Variants in SLC7A8 observed in about 807,000 individuals in gnomAD.
SLC7A8 encodes large neutral amino acids transporter small subunit 2.
Under a neutral mutation model 51.2 loss-of-function variants are expected in SLC7A8, and 30 were observed. The ratio of observed to expected loss-of-function variants is 0.59; its 90% CI spans 0.44 to 0.80. SLC7A8 has a LOEUF of 0.80. SLC7A8 is among the 30% of genes least tolerant of loss of function. The pLI is 0.00. For synonymous variants in SLC7A8, 257 were observed against 275.8 expected (o/e 0.93, Z 0.67); for missense variants, 612 against 674.4 (o/e 0.91, Z 1.03).
chr14:23,170,049 T>G (rs2048968458), intron 1 of SLC7A8, among the ~76,000 whole-genome samples: 1 of 152,234 alleles, frequency 6.6e-6, no homozygotes, highest in South Asian at 2.1e-4. Context: ...CAGTACCACC[T>G]TCAGTGGGGA....
At chr14:23,134,896 T>C (rs775764909) in intron 7 of SLC7A8, among the ~76,000 whole-genome samples, 2 of 152,218 alleles carry the variant, frequency 1.3e-5, no homozygotes, top group African/African-American at 4.8e-5. Flanking sequence ...AACTAGGATA[T>C]TGATGTTTAA....
In SLC7A8 at chr14:23,128,388, C is replaced by T. The variant is rs953149363; in HGVS notation, c.1264-192G>A. 6.6e-6 allele frequency: 10 copies of T among 1,524,182 alleles called. No homozygotes were observed. Among genetic ancestry groups the T allele is most frequent in the Non-Finnish European group, 8.8e-6 (10 of 1,138,508 alleles). 94.4% of individuals were successfully genotyped at this position (1,524,182 alleles called of 1,614,324 possible). A position where few individuals can be genotyped will look rare whatever the true frequency, so the allele number is the denominator to read the frequency against. ...GGCTATATAAACAAATGTTGATGAA[C>T]ATGGTCGGTCAGACAGGAAGAGGAT... On this transcript the variant is annotated intron_variant, in intron 9 of 10. Transcript: ENST00000316902. This position sits in a 1 kb window ranked among gnomAD's most constrained non-coding sequence, Gnocchi z 4.3.
chr14:23,179,962 G>T (rs1352956462), intron 1 of SLC7A8, among the ~76,000 whole-genome samples: 2 of 146,512 alleles, frequency 1.4e-5, no homozygotes, highest in African/African-American at 5.1e-5. Flanking sequence ...CTGGAGTGCA[G>T]TGGCGCAACC....
intron 3 of SLC7A8, chr14:23,155,074 A>C (rs2048881607): frequency 5.3e-6 from 6 of 1,133,012 alleles, no homozygotes; most frequent in African/African-American, 1.6e-5. Flanking sequence ...TATAAAGTGC[A>C]CAGTGGGGAG....
chr14:23,163,833 C>T (rs1439702434), intron 3 of SLC7A8, among the ~76,000 whole-genome samples: 1 of 152,190 alleles, frequency 6.6e-6, no homozygotes, highest in Non-Finnish European at 1.5e-5. Context: ...TGACTAATAT[C>T]AGAGATAAAG....
chr14:23,143,017 G>A, intron 4 of SLC7A8, 62 bp downstream of exon 4: 1 of 1,588,622 alleles, frequency 6.3e-7, no homozygotes, highest in South Asian at 1.1e-5. Flanking sequence ...GCTGGGCTGA[G>A]AGGGTGTGTA....
chr14:23,129,555 T>C (rs2048611930), intron 9 of SLC7A8, 95 bp downstream of exon 9: 1 of 1,403,506 alleles, frequency 7.1e-7, no homozygotes, highest in African/African-American at 1.4e-5. Context: ...TGATGACGTG[T>C]GGTCAGCAGC....
chr14:23,151,257 T>C (rs535450719), intron 3 of SLC7A8, among the ~76,000 whole-genome samples: 11 of 152,294 alleles, frequency 7.2e-5, no homozygotes, highest in Admixed American at 5.2e-4. Context: ...TAAAGCTTAC[T>C]GAATGGAAAC....
At chr14:23,130,023 C>T (rs1594815284) in intron 8 of SLC7A8, 1 of 531,856 alleles carries the variant, frequency 1.9e-6, no homozygotes. Context: ...TATTTAACCA[C>T]TCGTATGGCA....
chr14:23,157,333 T>C (rs1302678490), intron 3 of SLC7A8, among the ~76,000 whole-genome samples: 1 of 152,224 alleles, frequency 6.6e-6, no homozygotes, highest in Non-Finnish European at 1.5e-5. Context: ...GATAGTCATC[T>C]GCAATCTGAA....
At chr14:23,181,107 G>A (rs528095991) in intron 1 of SLC7A8, among the ~76,000 whole-genome samples, 1 of 152,326 alleles carries the variant, frequency 6.6e-6, no homozygotes, top group Admixed American at 6.5e-5. Flanking sequence ...TTGTGCTTGT[G>A]TGCCTGTGGG....
chr14:23,149,220 T>C (rs1158030737), intron 3 of SLC7A8, among the ~76,000 whole-genome samples: 1 of 152,236 alleles, frequency 6.6e-6, no homozygotes. Flanking sequence ...TTCCTCCATT[T>C]GGTAATTCAA....
intron 1 of SLC7A8, among the ~76,000 whole-genome samples, chr14:23,167,578 G>T (rs1053526483): frequency 5.3e-5 from 8 of 152,064 alleles, no homozygotes; most frequent in Admixed American, 2.0e-4. Context: ...CGCAGACGAG[G>T]AGTAAGAGTG....
At chr14:23,162,331 G>A (rs957612758) in intron 3 of SLC7A8, among the ~76,000 whole-genome samples, 3 of 152,178 alleles carry the variant, frequency 2.0e-5, no homozygotes, top group African/African-American at 4.8e-5. Flanking sequence ...GGAAGACTAC[G>A]CTTGGGAATA....
intron 1 of SLC7A8, among the ~76,000 whole-genome samples, chr14:23,180,595 G>C (rs970284142): frequency 9.2e-5 from 14 of 152,152 alleles, no homozygotes; most frequent in African/African-American, 3.4e-4. Flanking sequence ...TGCCATTCTA[G>C]TTACTGTAAT....
rs982630333 is a variant in SLC7A8, at chr14:23,151,558, G to T, written c.509-8354C>A. The stretch of plus-strand genomic sequence containing the variant: ...GATCAATTGAGGCCAGAAGTTCGAG[G>T]CCAGCCTGGGCAACACAGCAAGATC... On this transcript the variant is annotated intron_variant, in intron 3 of 10. Coordinates refer to ENST00000316902, the MANE Select transcript of SLC7A8 (RefSeq NM_012244.4). Among the ~76,000 whole-genome samples the T allele has an allele frequency of 4.6e-5, 7 of 151,832 alleles. No individual in the cohort carries two copies. In the South Asian group the frequency reaches 1.2e-3, roughly 27 times the overall value.
In SLC7A8 at chr14:23,157,818, A is replaced by T. The variant is rs115850330; in HGVS notation, c.508+7467T>A. ...CCAGTCCCATCCTCACTTTTCTTGC[A>T]GGAGCTGCCTGGATGCTGGCCTCCT... On this transcript the variant is annotated intron_variant, in intron 3 of 10. Transcript: ENST00000316902. Among the ~76,000 whole-genome samples, 788 of 152,262 alleles carry T rather than the reference A, an allele frequency of 5.2e-3. 1 individual carries two copies. Among genetic ancestry groups the T allele is most frequent in the African/African-American group, 0.018 (750 of 41,542 alleles).
At chr14:23,140,362 A>G (rs890934128) in intron 5 of SLC7A8, 109 bp downstream of exon 5, 4 of 1,183,224 alleles carry the variant, frequency 3.4e-6, no homozygotes, top group Non-Finnish European at 3.6e-6. Context: ...TCACAGTTAG[A>G]ATGGGGCTTT....
rs1444444291 is a variant in SLC7A8 at position 23,127,327 on chromosome 14, C to T, written c.1458G>A (p.Val486=). ...FSDFIELLTL[V]SQKMCVVVYP... ...ACACGACCACACACATCTTCTGGCT[C>T]ACCAGGGTTAGCAGCTCTGTAGGAA... The change falls in exon 11 of 11, where the codon GTG becomes GTA. Residue 486 remains valine (V), a synonymous_variant. Coordinates refer to ENST00000316902, the MANE Select transcript of SLC7A8 (RefSeq NM_012244.4). 3 of 1,614,106 alleles carry T rather than the reference C, an allele frequency of 1.9e-6. No homozygotes were observed. In the Admixed American group the frequency reaches 5.0e-5, roughly 27 times the overall value.
Sources: allele counts gnomAD v4.1 joint callset (sites outside exome capture counted in the v4.1 genomes callset), GRCh38; gene constraint gnomAD v4.1.1; non-coding constraint Gnocchi (gnomAD v3.1); transcripts MANE v1.5; gene names NCBI Gene and HGNC (gene_info 2026-07-23, HGNC 2026-07-21).